The following CCDC146 variants were observed in gnomAD, a reference collection of about 807,000 sequenced individuals.
CCDC146 encodes coiled-coil domain-containing protein 146.
Under a neutral mutation model 119.3 loss-of-function variants are expected in CCDC146, and 92 were observed. That is an observed-to-expected ratio of 0.77 (90% CI 0.65 to 0.92). The LOEUF (loss-of-function observed/expected upper bound fraction) is 0.92, where lower values mean the gene tolerates loss of function less well. CCDC146 is among the 40% of genes least tolerant of loss of function. The probability of loss-of-function intolerance (pLI) is 0.00; values close to 1 mark genes in which losing one functional copy is unlikely to be tolerated. For synonymous variants in CCDC146, 372 were observed against 371.8 expected (o/e 1.00, Z -0.01); for missense variants, 1,000 against 1,103.0 (o/e 0.91, Z 1.32).
chr7:77,268,841 TGAA>T (rs1249716085), intron 9 of CCDC146, among the ~76,000 whole-genome samples: 2 of 152,234 alleles, frequency 1.3e-5, no homozygotes, highest in Non-Finnish European at 2.9e-5. Context: ...AGCTTCACTA[TGAA>T]GAAGATTTGA....
chr7:77,187,485 G>T (rs1791686946), intron 2 of CCDC146, among the ~76,000 whole-genome samples: 1 of 152,150 alleles, frequency 6.6e-6, no homozygotes, highest in African/African-American at 2.4e-5. Flanking sequence ...TTTTGGCCAG[G>T]TTCTCACTTA....
intron 4 of CCDC146, 44 bp downstream of exon 4, chr7:77,241,944 C>T: frequency 2.7e-6 from 4 of 1,458,524 alleles, no homozygotes; most frequent in Non-Finnish European, 2.9e-6. Context: ...GTCTTTTCCT[C>T]ATAAATAGAA....
chr7:77,284,158 A>T (rs6465530), intron 15 of CCDC146, among the ~76,000 whole-genome samples: 142,689 of 152,292 alleles, frequency 0.94, 66,965 homozygotes, highest in East Asian at 1. Context: ...AGACCATTCA[A>T]GCGAGGCCTC....
intron 2 of CCDC146, among the ~76,000 whole-genome samples, chr7:77,192,468 G>T (rs569802427): frequency 1.3e-5 from 2 of 152,274 alleles, no homozygotes; most frequent in East Asian, 3.9e-4. Flanking sequence ...AAAGAGGATG[G>T]CATTCTATCT....
At chr7:77,254,677 A>G in intron 5 of CCDC146, 114 bp downstream of exon 5, 1 of 581,930 alleles carries the variant, frequency 1.7e-6, no homozygotes, top group Non-Finnish European at 3.0e-6. Flanking sequence ...AAAGACTCTA[A>G]AGTCTTAACT....
chr7:77,259,364 T>C, intron 7 of CCDC146: 1 of 265,070 alleles, frequency 3.8e-6, no homozygotes, highest in South Asian at 5.8e-5. Context: ...TGGGATAAAT[T>C]ATGCGAACTG....
intron 2 of CCDC146, among the ~76,000 whole-genome samples, chr7:77,232,562 A>G (rs1792651398): frequency 6.6e-6 from 1 of 152,178 alleles, no homozygotes; most frequent in Admixed American, 6.5e-5. Flanking sequence ...TCTGTTCCAA[A>G]TAAAGTCAAA....
chr7:77,260,101 T>C lies in CCDC146; in HGVS notation c.851T>C (p.Val284Ala), dbSNP rs1335498741. 1.9e-6 allele frequency: 3 copies of C among 1,613,774 alleles called. No individual in the cohort carries two copies. The highest frequency in any genetic ancestry group is 2.5e-6 in the Non-Finnish European group (3 of 1,179,964). ...GTTGAAAACAAGGTTAGTGCTATAGTGGATGAGAAGGAAAATGTAATAAAG... is the reference window on the plus strand; with the variant it reads ...GTTGAAAACAAGGTTAGTGCTATAGCGGATGAGAAGGAAAATGTAATAAAG... ...KKVENKVSAI[V>A]DEKENVIKEV... Residue 284 changes from valine (V) to alanine (A), a missense_variant, in exon 8 of 19, where the codon GTG becomes GCG. Val to Ala is a moderately conservative substitution (Grantham distance 64). This residue lies in a region of CCDC146 where 985 missense variants were observed against 1,045.3 expected (regional missense o/e 0.94). Coordinates refer to ENST00000285871, the MANE Select transcript of CCDC146 (RefSeq NM_020879.3).
At chr7:77,238,846 AC>A (rs1054364218) in intron 3 of CCDC146, among the ~76,000 whole-genome samples, 1 of 152,130 alleles carries the variant, frequency 6.6e-6, no homozygotes, top group Admixed American at 6.5e-5. Flanking sequence ...CAGCTATGGC[AC>A]TATTTCTTCC....
At chr7:77,145,476 C>G (rs1791001855) in intron 1 of CCDC146, among the ~76,000 whole-genome samples, 1 of 151,808 alleles carries the variant, frequency 6.6e-6, no homozygotes, top group African/African-American at 2.4e-5. Context: ...AATGTGTTTG[C>G]TCTTGCTTCT....
chr7:77,256,467 G>T lies in CCDC146; in HGVS notation c.642G>T (p.Gln214His), dbSNP rs756187029. 1 of 1,605,536 alleles carries T rather than the reference G, an allele frequency of 6.2e-7. No homozygotes were observed. The highest frequency in any genetic ancestry group is 1.7e-5 in the Admixed American group (1 of 57,462). The change falls in exon 6 of 19, where the codon CAG (glutamine) becomes CAT (histidine). Residue 214 changes from glutamine to histidine, a missense_variant. Gln to His is a conservative substitution (Grantham distance 24). This residue lies in a region of CCDC146 where 985 missense variants were observed against 1,045.3 expected (regional missense o/e 0.94). Coordinates refer to ENST00000285871, the MANE Select transcript of CCDC146 (RefSeq NM_020879.3). ...ASKQKQLLKEQKELEELLGHQ... is the reference protein window; with the variant it reads ...ASKQKQLLKEHKELEELLGHQ... ...AACAAAAGCAATTATTAAAAGAGCAGAAGGAACTAGAAGAATTGTTGGGAC... is the reference window on the plus strand; with the variant it reads ...AACAAAAGCAATTATTAAAAGAGCATAAGGAACTAGAAGAATTGTTGGGAC...
chr7:77,265,402 C>T (rs1210837850), intron 9 of CCDC146, among the ~76,000 whole-genome samples: 1 of 152,104 alleles, frequency 6.6e-6, no homozygotes, highest in African/African-American at 2.4e-5. Context: ...AAAGTTAATC[C>T]ATTCAATATG....
At chr7:77,199,635 C>G (rs1484402315) in intron 2 of CCDC146, 2 of 1,614,144 alleles carry the variant, frequency 1.2e-6, no homozygotes, top group African/African-American at 1.3e-5. Flanking sequence ...AGGGGCACTC[C>G]CCTGCCTCTT....
intron 2 of CCDC146, chr7:77,199,493 G>A (rs905409973): frequency 6.2e-7 from 1 of 1,614,082 alleles, no homozygotes; most frequent in African/African-American, 1.3e-5. Context: ...TCAGCCTGCA[G>A]CTTGCAGTCT....
chr7:77,279,155 G>A (rs1260319526), intron 13 of CCDC146, 54 bp downstream of exon 13: 1 of 1,572,358 alleles, frequency 6.4e-7, no homozygotes, highest in East Asian at 2.3e-5. Flanking sequence ...TGATTCATTT[G>A]AACTCTAAAA....
rs552342536 is a variant in CCDC146, at chr7:77,137,950, C to T, written c.-12+15218C>T. Among the ~76,000 whole-genome samples, 6 of 151,380 alleles carry T rather than the reference C, an allele frequency of 4.0e-5. No homozygotes were observed. The South Asian group carries it at 6.2e-4, about 16-fold the overall frequency. On this transcript the variant is annotated intron_variant, in intron 1 of 18. Coordinates refer to ENST00000285871, the MANE Select transcript of CCDC146 (RefSeq NM_020879.3). ...TTAAATAACAGAAATTTATTTCTCA[C>T]AGTTCTGAGGCTGGGCATTCTCAGA...
intron 5 of CCDC146, chr7:77,255,208 T>C (rs926119634): frequency 7.2e-5 from 11 of 152,196 alleles, no homozygotes; most frequent in African/African-American, 2.2e-4. Context: ...GCTAAAATCA[T>C]TTTTGGTAAT....
chr7:77,174,039 C>A (rs1791465844), intron 2 of CCDC146, among the ~76,000 whole-genome samples: 3 of 152,110 alleles, frequency 2.0e-5, no homozygotes, highest in Non-Finnish European at 4.4e-5. Context: ...TGATCAGGAT[C>A]TACTTCCAGG....
At chr7:77,155,299 C>T (rs1016675145) in intron 1 of CCDC146, among the ~76,000 whole-genome samples, 1 of 152,012 alleles carries the variant, frequency 6.6e-6, no homozygotes, top group Admixed American at 6.6e-5. Context: ...GCCTTGCCAC[C>T]TCATGGACTG....
Sources: gnomAD v4.1 joint callset for allele counts (sites outside exome capture counted in the v4.1 genomes callset) on GRCh38, gnomAD v4.1.1 for gene constraint, gnomAD v4.1.1 regional missense constraint, MANE v1.5 for transcripts, NCBI Gene and HGNC (gene_info 2026-07-23, HGNC 2026-07-21) for gene names.